NEB: variants seen among roughly 807,000 people sequenced by gnomAD.
NEB encodes the protein nebulin.
In NEB, 512 loss-of-function variants were observed where a neutral mutation model predicts 952.2. That is an observed-to-expected ratio of 0.54 (90% CI 0.50 to 0.58). NEB has a LOEUF of 0.58. Ranked by LOEUF, NEB falls within the 20% of genes least tolerant of loss-of-function variation. The pLI is 0.00. For missense variants in NEB, 8,428 were observed against 9,231.1 expected (o/e 0.91, Z 3.56); for synonymous variants, 2,900 against 3,149.8 (o/e 0.92, Z 2.66).
intron 30 of NEB, among the ~76,000 whole-genome samples, 188 bp downstream of exon 30, chr2:151,680,542 A>G (rs557816404): frequency 1.3e-5 from 2 of 152,210 alleles, no homozygotes; most frequent in Non-Finnish European, 2.9e-5. Context: ...CAGTCAGCAC[A>G]ATATACATTA....
chr2:151,650,042 G>T lies in NEB; in HGVS notation c.7431+134C>A, dbSNP rs940509170. 2.2e-5 allele frequency: 18 copies of T among 815,034 alleles called. No individual in the cohort carries two copies. The Admixed American group carries it at 4.0e-4, about 18-fold the overall frequency. 50.5% of individuals were successfully genotyped at this position (815,034 alleles called of 1,614,324 possible). A position where few individuals can be genotyped will look rare whatever the true frequency, so the allele number is the denominator to read the frequency against. On this transcript the variant is annotated intron_variant, in intron 54 of 181. Transcript: ENST00000397345. ...GGATAGTTGCTAATTCAAATAAAAT[G>T]ATCCAATATAAAATTTTATGTGGTG...
intron 17 of NEB, among the ~76,000 whole-genome samples, chr2:151,696,429 T>C (rs1268336969): frequency 6.6e-6 from 1 of 152,242 alleles, no homozygotes; most frequent in Non-Finnish European, 1.5e-5. Flanking sequence ...TTAAGCTACA[T>C]TTGTTTCCTT....
In NEB at chr2:151,568,183, AAGAC is replaced by A; in HGVS notation, c.17737-9_17737-6del. 4 of 1,611,554 alleles carry A rather than the reference AAGAC, an allele frequency of 2.5e-6. No individual in the cohort carries two copies. Among genetic ancestry groups the A allele is most frequent in the Non-Finnish European group, 3.4e-6 (4 of 1,178,178 alleles). ...CCAGCCTTCCTTGTAGAGATACTGA[AAGAC>A]AGAGCCACCATAAAGGGTTAAAATG... On this transcript the variant is annotated splice_region_variant and splice_polypyrimidine_tract_variant and intron_variant, in intron 112 of 181. Coordinates refer to ENST00000397345, the MANE Select transcript of NEB (RefSeq NM_001164508.2).
chr2:151,564,204 G>C (rs1047006765), intron 117 of NEB, among the ~76,000 whole-genome samples: 1 of 151,782 alleles, frequency 6.6e-6, no homozygotes, highest in Non-Finnish European at 1.5e-5. Context: ...ACCCAGGCTG[G>C]AGTGCAGTGC....
chr2:151,680,603 C>A, intron 30 of NEB, 127 bp downstream of exon 30: 1 of 644,146 alleles, frequency 1.6e-6, no homozygotes, highest in Non-Finnish European at 2.6e-6. Flanking sequence ...CTGGGGAATT[C>A]TACAGATGCT....
chr2:151,725,803 C>A (rs2099788853), intron 5 of NEB, among the ~76,000 whole-genome samples: 1 of 152,068 alleles, frequency 6.6e-6, no homozygotes, highest in Non-Finnish European at 1.5e-5. Flanking sequence ...CTTGGAAATA[C>A]CCTAAAATGA....
In NEB at chr2:151,540,356, C is replaced by G; in HGVS notation, c.20880G>C (p.Trp6960Cys). The change falls in exon 138 of 182, where the codon TGG becomes TGC. Residue 6960 changes from tryptophan to cysteine, a missense_variant. Physicochemically the swap from Trp to Cys is radical, Grantham distance 215 (BLOSUM62 -2). Around this residue, in one of 11 missense-constraint regions of NEB, gnomAD observed 3,374 missense variants for 3,651.5 expected, o/e 0.92. Transcript: ENST00000397345. ...PILIRAKRAYWNASDLRYKET... is the reference protein window; with the variant it reads ...PILIRAKRAYCNASDLRYKET... ...AAGGGATGCATACATCACTGGCATT[C>G]CAGTAAGCCCTCTTGGCTCTGATGA... 1 of 1,576,844 alleles carries G rather than the reference C, an allele frequency of 6.3e-7. No homozygotes were observed. The highest frequency in any genetic ancestry group is 1.2e-5 in the South Asian group (1 of 85,880).
chr2:151,508,435 G>T (rs886072412), intron 161 of NEB, among the ~76,000 whole-genome samples: 3 of 152,228 alleles, frequency 2.0e-5, no homozygotes, highest in Admixed American at 2.0e-4. Context: ...AGATGGGGAT[G>T]CCTCCAGTGG....
At chr2:151,534,072 G>A (rs1453636007) in intron 142 of NEB, 8 of 633,174 alleles carry the variant, frequency 1.3e-5, no homozygotes, top group South Asian at 2.2e-5. Context: ...GGGCTTTTTG[G>A]GTGGCTAGAC....
At chr2:151,537,736 G>A (rs2093415150) in intron 140 of NEB, 136 bp downstream of exon 140, 2 of 539,332 alleles carry the variant, frequency 3.7e-6, no homozygotes, top group Non-Finnish European at 6.3e-6. Flanking sequence ...TAGCAATTGA[G>A]TTTTATGATT....
At chr2:151,527,635 CAT>C (rs1356245040) in intron 146 of NEB, 50 bp from the exon 147 acceptor site, 1 of 1,317,580 alleles carries the variant, frequency 7.6e-7, no homozygotes, top group East Asian at 2.4e-5. Flanking sequence ...AGGCTAAATT[CAT>C]AAACACACAC....
At chr2:151,620,345 G>GTATATATATATATATA (rs775274994) in intron 72 of NEB, among the ~76,000 whole-genome samples, 7 of 87,930 alleles carry the variant, frequency 8.0e-5, no homozygotes, top group Admixed American at 2.0e-4. Flanking sequence ...ATGTATGTGT[G>GTATATATATATATATA]TGTATATATA....
At position 151,579,557 on chromosome 2, in the gene NEB, AT is replaced by A; in HGVS notation, c.16484del (p.Asn5495MetfsTer3). The A allele has an allele frequency of 7.4e-7, 1 of 1,349,100 alleles. No homozygotes were observed. Among genetic ancestry groups the A allele is most frequent in the South Asian group, 1.2e-5 (1 of 80,020 alleles). 83.6% of individuals were successfully genotyped at this position (1,349,100 alleles called of 1,614,324 possible). A position where few individuals can be genotyped will look rare whatever the true frequency, so the allele number is the denominator to read the frequency against. On this transcript the variant is annotated frameshift_variant, in exon 105 of 182. Coordinates refer to ENST00000397345, the MANE Select transcript of NEB (RefSeq NM_001164508.2). LOFTEE classifies it high-confidence loss of function. ...GCCTGTCATTCTGCATCTTCAACAC[AT>A]TTGCTGCCCAAACCAGTTTAGGGTC... ...KEDPKLVWAA[N>X]VLKMQNDRLY...
intron 165 of NEB, among the ~76,000 whole-genome samples, chr2:151,504,133 T>TAA (rs932326010): frequency 2.8e-4 from 42 of 152,152 alleles, no homozygotes; most frequent in African/African-American, 9.9e-4. Context: ...CTCTTAACAT[T>TAA]AAGTTTTCAG....
intron 34 of NEB, 54 bp from the exon 35 acceptor site, chr2:151,675,445 G>A: frequency 8.4e-7 from 1 of 1,195,614 alleles, no homozygotes; most frequent in South Asian, 1.4e-5. Flanking sequence ...TTAATTGTTT[G>A]CTTTAAAGAG....
intron 181 of NEB, among the ~76,000 whole-genome samples, chr2:151,488,424 AGGGCTTGAGCCTAG>A (rs1485483848): frequency 6.7e-6 from 1 of 149,946 alleles, no homozygotes; most frequent in Non-Finnish European, 1.5e-5. Context: ...AAGCAGGCAG[AGGGCTTGAGCCTAG>A]GGGTTTGAGA....
In NEB at chr2:151,678,157, T is replaced by C. The variant is rs775164626; in HGVS notation, c.3286A>G (p.Lys1096Glu). Residue 1096 changes from lysine (K) to glutamate (E), a missense_variant, in exon 33 of 182, where the codon AAA becomes GAA. Coordinates refer to ENST00000397345, the MANE Select transcript of NEB (RefSeq NM_001164508.2). ...CTTTGGAAGCCAACCATTTTCCCTT[T>C]AGCCTTTTCATAGTCTTTTTTGTAC... ...VQYKKDYEKAKGKMVGFQSLQ... is the reference protein window; with the variant it reads ...VQYKKDYEKAEGKMVGFQSLQ... The C allele has an allele frequency of 1.2e-6, 2 of 1,610,794 alleles. No individual in the cohort carries two copies. The highest frequency in any genetic ancestry group is 1.7e-6 in the Non-Finnish European group (2 of 1,178,346).
chr2:151,698,273 T>C (rs1014646561), intron 13 of NEB, among the ~76,000 whole-genome samples: 1 of 152,188 alleles, frequency 6.6e-6, no homozygotes, highest in Non-Finnish European at 1.5e-5. Flanking sequence ...ATTCACCAAT[T>C]TAAAGTATAC....
In NEB at chr2:151,627,140, A is replaced by G. The variant is rs1560618734; in HGVS notation, c.10209T>C (p.Asp3403=). The G allele has an allele frequency of 1.2e-6, 2 of 1,613,822 alleles. No individual in the cohort carries two copies. Among genetic ancestry groups the G allele is most frequent in the Admixed American group, 3.3e-5 (2 of 59,996 alleles). Residue 3403 remains aspartate, a synonymous_variant, in exon 70 of 182, where the codon GAT becomes GAC. Coordinates refer to ENST00000397345, the MANE Select transcript of NEB (RefSeq NM_001164508.2). ...GIGWVPIGSM[D]VVKCKRAAEI... ...CAGCAGCTCTCTTGCACTTGACCACATCCATAGACCCAATGGGGACCCAGC... is the reference window on the plus strand; with the variant it reads ...CAGCAGCTCTCTTGCACTTGACCACGTCCATAGACCCAATGGGGACCCAGC...
Sources: allele counts gnomAD v4.1 joint callset (sites outside exome capture counted in the v4.1 genomes callset), GRCh38; gene constraint gnomAD v4.1.1; regional missense constraint gnomAD v4.1.1; transcripts MANE v1.5; gene names NCBI Gene and HGNC (gene_info 2026-07-23, HGNC 2026-07-21).